The following PCDHA1 variants were observed in gnomAD, a reference collection of about 807,000 sequenced individuals.
The protein encoded by PCDHA1 is protocadherin alpha 1, also known as protocadherin alpha-1.
PCDHA1 carries 42 observed loss-of-function variants against 61.3 expected under a neutral mutation model. The observed-to-expected ratio is 0.69, with a 90% CI of 0.54 to 0.89. The LOEUF is 0.89. Ranked by LOEUF, PCDHA1 falls within the 40% of genes least tolerant of loss-of-function variation. The pLI, the probability that PCDHA1 is intolerant of heterozygous loss-of-function variation, is 0.00. For missense variants in PCDHA1, 1,256 were observed against 1,235.3 expected (o/e 1.02, Z -0.25); for synonymous variants, 610 against 553.8 (o/e 1.10, Z -1.43).
At chr5:140,986,954 C>T (rs2097219916) in intron 3 of PCDHA1, among the ~76,000 whole-genome samples, 1 of 152,154 alleles carries the variant, frequency 6.6e-6, no homozygotes, top group African/African-American at 2.4e-5. Context: ...TCGCTCATGC[C>T]TGTAATTCCA....
chr5:140,868,938 T>A (rs2050744008), intron 1 of PCDHA1: 1 of 1,227,724 alleles, frequency 8.1e-7, no homozygotes, highest in Non-Finnish European at 1.1e-6. Flanking sequence ...AAGGTTGGTC[T>A]GAACAGTGAG....
intron 1 of PCDHA1, among the ~76,000 whole-genome samples, chr5:140,955,446 A>G (rs574900327): frequency 6.6e-6 from 1 of 152,194 alleles, no homozygotes; most frequent in Non-Finnish European, 1.5e-5. Context: ...TGATGGTTTT[A>G]TAAGGGCTTT....
intron 1 of PCDHA1, chr5:140,801,734 C>T (rs1762772241): frequency 2.5e-6 from 4 of 1,613,912 alleles, no homozygotes; most frequent in South Asian, 2.2e-5. Context: ...AATATTTTAC[C>T]TTGGACGTTA....
At chr5:140,925,072 G>C (rs921580794) in intron 1 of PCDHA1, among the ~76,000 whole-genome samples, 1 of 149,184 alleles carries the variant, frequency 6.7e-6, no homozygotes, top group Non-Finnish European at 1.5e-5. Context: ...AAAGCAACAC[G>C]CTCATCTGGA....
At chr5:140,813,867 C>G (rs1403539115) in intron 1 of PCDHA1, 7 of 152,244 alleles carry the variant, frequency 4.6e-5, no homozygotes, top group African/African-American at 1.4e-4. Context: ...GGTGTGGTGA[C>G]ACACACTTGT....
rs114871325 is a variant in PCDHA1, at chr5:140,841,052, T to C, written c.2394+52368T>C. 3.2e-3 allele frequency: 1,400 copies of C among 431,624 alleles called. 26 individuals carry two copies. The highest frequency in any genetic ancestry group is 0.026 in the African/African-American group (1,290 of 50,274). 26.7% of individuals were successfully genotyped at this position (431,624 alleles called of 1,614,324 possible). ...AATTGATAAAGTTAAGGATTTACTA[T>C]TAAATTATGATAAAGAAATAGAAAG... On this transcript the variant is annotated intron_variant, in intron 1 of 3. Transcript: ENST00000504120.
intron 1 of PCDHA1, chr5:140,807,079 T>G: frequency 2.4e-6 from 3 of 1,251,084 alleles, no homozygotes; most frequent in Non-Finnish European, 3.4e-6. Context: ...TATACACTCT[T>G]TGGAGTCTGA....
chr5:140,899,653 T>C (rs1478658505), intron 1 of PCDHA1, among the ~76,000 whole-genome samples: 1 of 152,220 alleles, frequency 6.6e-6, no homozygotes, highest in African/African-American at 2.4e-5. Context: ...TATTTGGTTG[T>C]GTCTCTGCCC....
At chr5:140,831,040 T>C (rs1208803286) in intron 1 of PCDHA1, 1 of 152,248 alleles carries the variant, frequency 6.6e-6, no homozygotes, top group East Asian at 1.9e-4. Context: ...CGGGAGGCAA[T>C]AGTGTTCATT....
At chr5:140,841,266 C>T in intron 1 of PCDHA1, 3 of 1,522,300 alleles carry the variant, frequency 2.0e-6, no homozygotes, top group Non-Finnish European at 2.6e-6. Flanking sequence ...TCTGAAAGTA[C>T]AGTCGTTCAT....
chr5:140,919,306 A>G (rs1407810868), intron 1 of PCDHA1, among the ~76,000 whole-genome samples: 1 of 152,150 alleles, frequency 6.6e-6, no homozygotes. Context: ...TGTACAATAT[A>G]TGTTTTCCCA....
intron 1 of PCDHA1, chr5:140,927,292 C>A: frequency 6.2e-7 from 1 of 1,614,162 alleles, no homozygotes; most frequent in East Asian, 2.2e-5. Flanking sequence ...GCTGCACATC[C>A]CCGAGTTCCT....
intron 1 of PCDHA1, chr5:140,836,539 C>G (rs2150263250): frequency 6.2e-7 from 1 of 1,613,680 alleles, no homozygotes; most frequent in East Asian, 2.2e-5. Flanking sequence ...CTGCTGTACA[C>G]GGCGTTGCGG....
intron 1 of PCDHA1, chr5:140,809,231 G>A (rs538670718): frequency 6.2e-7 from 1 of 1,614,098 alleles, no homozygotes; most frequent in East Asian, 2.2e-5. Flanking sequence ...CTCCTCACGG[G>A]CGTTGGTGGG....
intron 1 of PCDHA1, chr5:140,968,800 A>G: frequency 6.2e-7 from 1 of 1,614,238 alleles, no homozygotes; most frequent in Non-Finnish European, 8.5e-7. Context: ...CCATTACAGT[A>G]GCTGTGGTGG....
At chr5:140,928,293 G>A (rs782241081) in intron 1 of PCDHA1, 1 of 1,614,150 alleles carries the variant, frequency 6.2e-7, no homozygotes, top group South Asian at 1.1e-5. Flanking sequence ...TAGGCCGAGT[G>A]TTTGCCCAGG....
intron 1 of PCDHA1, among the ~76,000 whole-genome samples, chr5:140,942,896 C>CT (rs1554215262): frequency 6.6e-6 from 1 of 151,664 alleles, no homozygotes; most frequent in African/African-American, 2.4e-5. Flanking sequence ...AAATTTATCT[C>CT]TAAGAATAAG....
intron 1 of PCDHA1, chr5:140,862,140 G>A (rs2047224781): frequency 6.1e-6 from 1 of 162,900 alleles, no homozygotes; most frequent in Admixed American, 5.7e-5. Flanking sequence ...AGGTTTTGAG[G>A]AAACTAAATA....
chr5:140,847,992 C>A lies in PCDHA1; in HGVS notation c.2394+59308C>A, dbSNP rs189573491. On this transcript the variant is annotated intron_variant, in intron 1 of 3. Transcript: ENST00000504120. ...CGAGCCATATGGGAGATTCTGAATTCCAGAACAAAAGAATTTTGTAATTTA... is the reference window on the plus strand; with the variant it reads ...CGAGCCATATGGGAGATTCTGAATTACAGAACAAAAGAATTTTGTAATTTA... 9.0e-4 allele frequency: 141 copies of A among 156,078 alleles called. 10 individuals are homozygous for A. The highest frequency in any genetic ancestry group is 1.5e-3 in the Non-Finnish European group (104 of 70,316). The allele number at this position is 156,078 out of a possible 1,614,324, so 9.7% of individuals were successfully genotyped here.
Sources: gnomAD v4.1 joint callset for allele counts (sites outside exome capture counted in the v4.1 genomes callset) on GRCh38, gnomAD v4.1.1 for gene constraint, MANE v1.5 for transcripts, NCBI Gene and HGNC (gene_info 2026-07-23, HGNC 2026-07-21) for gene names.